ADCY9: variants seen among roughly 807,000 people sequenced by gnomAD.
ADCY9 encodes adenylate cyclase type 9.
ADCY9 carries 50 observed loss-of-function variants against 101.5 expected under a neutral mutation model. The observed-to-expected ratio is 0.49, with a 90% CI of 0.39 to 0.62. ADCY9 has a LOEUF of 0.62. Among genes scored for constraint, ADCY9 ranks in the 20% least tolerant of loss-of-function variants. ADCY9 has a pLI of 0.00. For synonymous variants in ADCY9, 905 were observed against 769.3 expected (o/e 1.18, Z -2.92); for missense variants, 1,662 against 1,800.4 (o/e 0.92, Z 1.39).
chr16:3,976,595 T>C (rs991668244), intron 9 of ADCY9, among the ~76,000 whole-genome samples: 16 of 152,226 alleles, frequency 1.1e-4, no homozygotes, highest in African/African-American at 3.6e-4. Context: ...AAGACCTATG[T>C]TCAGTGACTG....
At chr16:4,044,362 A>C (rs982675030) in intron 2 of ADCY9, among the ~76,000 whole-genome samples, 3 of 152,068 alleles carry the variant, frequency 2.0e-5, no homozygotes, top group African/African-American at 4.8e-5. Flanking sequence ...AAACAAAAAA[A>C]CAAAAAAACA....
intron 2 of ADCY9, among the ~76,000 whole-genome samples, chr16:4,056,573 C>A (rs535382824): frequency 1.3e-5 from 2 of 152,164 alleles, no homozygotes; most frequent in African/African-American, 2.4e-5. Context: ...TTAAAAGGGG[C>A]TTTCGTCCTC....
chr16:4,070,143 T>G (rs911390266), intron 2 of ADCY9, among the ~76,000 whole-genome samples: 3 of 152,116 alleles, frequency 2.0e-5, no homozygotes, highest in African/African-American at 7.2e-5. Context: ...TGTGTGTGTG[T>G]GTACTTTTAA....
At chr16:4,007,583 A>G in intron 2 of ADCY9, 25 bp from the exon 3 acceptor site, 1 of 1,575,984 alleles carries the variant, frequency 6.3e-7, no homozygotes, top group South Asian at 1.2e-5. Context: ...AGTTACAGTC[A>G]GCACAGATTG....
chr16:4,026,756 G>A (rs1242340080), intron 2 of ADCY9, among the ~76,000 whole-genome samples: 1 of 152,188 alleles, frequency 6.6e-6, no homozygotes, highest in East Asian at 1.9e-4. Context: ...GGTACATGCT[G>A]TGTGGTTCCA....
rs576207792 is a variant in ADCY9 at position 3,990,249 on chromosome 16, T to A, written c.2208-1153A>T. 7.2e-5 allele frequency among the ~76,000 whole-genome samples: 11 copies of A among 152,240 alleles called. No individual in the cohort carries two copies. In the East Asian group the frequency reaches 1.7e-3, roughly 24 times the overall value. On this transcript the variant is annotated intron_variant, in intron 5 of 10. Transcript: ENST00000294016. Reference sequence around the variant, plus strand: ...GGGAGGCCGAGGCAAGCGGATCACCTGAGGTCAGGAGCTCGGGACCAGCCT... The same window carrying A: ...GGGAGGCCGAGGCAAGCGGATCACCAGAGGTCAGGAGCTCGGGACCAGCCT...
At chr16:4,097,453 C>CATATATATATATAT (rs71394653) in intron 2 of ADCY9, among the ~76,000 whole-genome samples, 8 of 71,068 alleles carry the variant, frequency 1.1e-4, no homozygotes, top group Non-Finnish European at 1.9e-4. Context: ...TGTGGAGTTA[C>CATATATATATATAT]ATATATATAT....
intron 9 of ADCY9, 61 bp downstream of exon 9, chr16:3,977,421 A>G (rs1567418542): frequency 2.0e-6 from 3 of 1,525,964 alleles, no homozygotes; most frequent in Non-Finnish European, 2.7e-6. Context: ...GCCAGGCCCT[A>G]CGCAACCTCG....
chr16:4,061,842 T>C (rs929556570), intron 2 of ADCY9, among the ~76,000 whole-genome samples: 12 of 152,222 alleles, frequency 7.9e-5, no homozygotes, highest in Non-Finnish European at 1.8e-4. Flanking sequence ...GTCTCTTTTT[T>C]ACACTTAACT....
chr16:4,077,858 C>A (rs1316074922), intron 2 of ADCY9, among the ~76,000 whole-genome samples: 1 of 151,790 alleles, frequency 6.6e-6, no homozygotes, highest in Non-Finnish European at 1.5e-5. Flanking sequence ...AAGAAATTAG[C>A]CAGGCGTGGT....
At chr16:4,048,174 G>A (rs369563829) in intron 2 of ADCY9, among the ~76,000 whole-genome samples, 114 of 152,194 alleles carry the variant, frequency 7.5e-4, no homozygotes, top group African/African-American at 2.6e-3. Flanking sequence ...CCAATAATTG[G>A]AAATTGTCAG....
At chr16:4,059,615 C>T (rs2056762148) in intron 2 of ADCY9, among the ~76,000 whole-genome samples, 1 of 152,084 alleles carries the variant, frequency 6.6e-6, no homozygotes, top group Admixed American at 6.5e-5. Context: ...AAAAACTACG[C>T]AGCTGGGCAT....
chr16:4,085,372 G>A (rs1380724009), intron 2 of ADCY9, among the ~76,000 whole-genome samples: 1 of 152,004 alleles, frequency 6.6e-6, no homozygotes. Context: ...AAAAATGAAG[G>A]AGAGAGAGAA....
At chr16:3,961,583 C>T (rs936622657), downstream of ADCY9, among the ~76,000 whole-genome samples, 4 of 152,244 alleles carry the variant, frequency 2.6e-5, no homozygotes, top group South Asian at 6.2e-4. Flanking sequence ...CCTCATCAAA[C>T]AGCAACCTCA....
At chr16:3,969,569 A>AATACATATATATATATAT (rs1451993942) in intron 10 of ADCY9, among the ~76,000 whole-genome samples, 2 of 45,228 alleles carry the variant, frequency 4.4e-5, no homozygotes, top group Non-Finnish European at 8.8e-5. Context: ...GTTTGTTTGA[A>AATACATATATATATATAT]ATATATATAT....
rs563953110 is a variant in ADCY9 at position 4,078,880 on chromosome 16, G to T, written c.1693+34870C>A. On this transcript the variant is annotated intron_variant, in intron 2 of 10. Coordinates refer to ENST00000294016, the MANE Select transcript of ADCY9 (RefSeq NM_001116.4). ...AACCAATTCACAAGCAACTCATGAA[G>T]AAATACAAAAGGGCAACACACATAT... Among the ~76,000 whole-genome samples, 9 of 152,226 alleles carry T rather than the reference G, an allele frequency of 5.9e-5. No individual in the cohort carries two copies. The South Asian group carries it at 1.9e-3, about 32-fold the overall frequency.
intron 2 of ADCY9, among the ~76,000 whole-genome samples, chr16:4,019,171 G>A (rs928288431): frequency 5.3e-5 from 8 of 151,868 alleles, no homozygotes; most frequent in African/African-American, 1.9e-4. Context: ...TTTTAAAGAT[G>A]GAATCTCACT....
intron 2 of ADCY9, among the ~76,000 whole-genome samples, chr16:4,040,514 T>C (rs1211684377): frequency 2.0e-5 from 3 of 151,630 alleles, no homozygotes; most frequent in African/African-American, 7.3e-5. Flanking sequence ...TAGAGTGCAG[T>C]GGCGCAATCT....
intron 5 of ADCY9, among the ~76,000 whole-genome samples, chr16:3,957,484 G>C (rs180779420): frequency 1.3e-5 from 2 of 152,156 alleles, no homozygotes; most frequent in African/African-American, 4.8e-5. Context: ...GAGTCAGGGA[G>C]GGGGAGGGTG....
Sources: gnomAD v4.1 joint callset for allele counts (sites outside exome capture counted in the v4.1 genomes callset) on GRCh38, gnomAD v4.1.1 for gene constraint, MANE v1.5 for transcripts, NCBI Gene and HGNC (gene_info 2026-07-23, HGNC 2026-07-21) for gene names.